ZNF30: variants seen among roughly 807,000 people sequenced by gnomAD.
ZNF30 encodes the protein zinc finger protein 30 (KOX 28).
A neutral mutation model predicts 13.2 loss-of-function variants in ZNF30; 15 were observed. That is an observed-to-expected ratio of 1.13 (90% CI 0.76 to 1.75). ZNF30 has a LOEUF of 1.75. Ranked by LOEUF, ZNF30 falls within the 40% of genes most tolerant of loss-of-function variation. The pLI, the probability that ZNF30 is intolerant of heterozygous loss-of-function variation, is 0.00. For missense variants in ZNF30, 726 were observed against 757.0 expected, an observed-to-expected ratio of 0.96 and a Z score of 0.48; for synonymous variants, 223 against 256.6, an observed-to-expected ratio of 0.87 and a Z score of 1.25.
intron 4 of ZNF30, among the ~76,000 whole-genome samples, chr19:34,936,887 C>T: frequency 6.6e-6 from 1 of 151,596 alleles, no homozygotes; most frequent in Non-Finnish European, 1.5e-5. Context: ...CAGAGAAAAC[C>T]CCTGTCTCAA....
intron 4 of ZNF30, among the ~76,000 whole-genome samples, chr19:34,938,281 T>G (rs1035353344): frequency 6.6e-6 from 1 of 152,068 alleles, no homozygotes; most frequent in Non-Finnish European, 1.5e-5. Flanking sequence ...AAAAATAAGG[T>G]CACATTCTGA....
chr19:34,930,074 C>T (rs1445721558), intron 2 of ZNF30, 118 bp downstream of exon 2: 2 of 1,008,232 alleles, frequency 2.0e-6, no homozygotes, highest in Non-Finnish European at 3.0e-6. Flanking sequence ...TTGATTCCTT[C>T]TGTTTGGCGG....
intron 2 of ZNF30, among the ~76,000 whole-genome samples, chr19:34,931,023 TTTTTTTTC>T (rs1003669234): frequency 2.7e-5 from 4 of 149,656 alleles, no homozygotes; most frequent in East Asian, 2.0e-4. Context: ...ATCATTACTT[TTTTTTTTC>T]TTTTTTTCTT....
At position 34,944,776 on chromosome 19, in the gene ZNF30, AC is replaced by A. The variant is rs2151678360; in HGVS notation, c.1812del (p.Phe605LeufsTer11). 6.2e-7 allele frequency: 1 copy of A among 1,613,482 alleles called. No homozygotes were observed. Among genetic ancestry groups the A allele is most frequent in the Non-Finnish European group, 8.5e-7 (1 of 1,179,612 alleles). On this transcript the variant is annotated frameshift_variant, in exon 5 of 5. Transcript: ENST00000601142. LOFTEE classifies it high-confidence loss of function. Reference protein sequence around the residue: ...KPFKCKKCGKTFRYSSALKVH... With the variant: ...KPFKCKKCGKXFRYSSALKVH... ...CTTTAAATGCAAAAAATGTGGGAAGACCTTTAGATACAGTTCAGCCCTTAAA... is the reference window on the plus strand; with the variant it reads ...CTTTAAATGCAAAAAATGTGGGAAGACTTTAGATACAGTTCAGCCCTTAAA...
In ZNF30 at chr19:34,944,561, G is replaced by A; in HGVS notation, c.1595G>A (p.Arg532Lys). 5 of 1,614,154 alleles carry A rather than the reference G, an allele frequency of 3.1e-6. No homozygotes were observed. The highest frequency in any genetic ancestry group is 4.2e-6 in the Non-Finnish European group (5 of 1,180,018). The change falls in exon 5 of 5, where the codon AGA (arginine) becomes AAA (lysine). Residue 532 changes from arginine to lysine, a missense_variant. By Grantham distance (26) the Arg-to-Lys change is conservative. Coordinates refer to ENST00000601142, the MANE Select transcript of ZNF30 (RefSeq NM_194325.3). The part of the protein sequence containing the change: ...SSGSYLVQHQ[R>K]IHTGEKPYEC... Reference sequence around the variant, plus strand: ...GGCTCATACCTTGTTCAGCATCAAAGAATTCATACTGGGGAGAAACCCTAT... The same window carrying A: ...GGCTCATACCTTGTTCAGCATCAAAAAATTCATACTGGGGAGAAACCCTAT...
chr19:34,929,398 C>T lies in ZNF30; in HGVS notation c.-64-486C>T, dbSNP rs533098477. Reference sequence around the variant, plus strand: ...TCTTCAGGACAACCACATGTTGGAGCTGATACTCCTATTACTATTTTAGTG... The same window carrying T: ...TCTTCAGGACAACCACATGTTGGAGTTGATACTCCTATTACTATTTTAGTG... On this transcript the variant is annotated intron_variant, in intron 1 of 4. Coordinates refer to ENST00000601142, the MANE Select transcript of ZNF30 (RefSeq NM_194325.3). 7.2e-5 allele frequency among the ~76,000 whole-genome samples: 11 copies of T among 152,320 alleles called. No homozygotes were observed. In the South Asian group the frequency reaches 1.2e-3, roughly 17 times the overall value.
intron 4 of ZNF30, among the ~76,000 whole-genome samples, chr19:34,934,949 G>C (rs1240454771): frequency 6.6e-6 from 1 of 152,138 alleles, no homozygotes; most frequent in Non-Finnish European, 1.5e-5. Context: ...TAAAAAACAG[G>C]CCGGGCGCGG....
intron 1 of ZNF30, 84 bp from the exon 2 acceptor site, chr19:34,929,800 G>A (rs1407834833): frequency 1.4e-6 from 1 of 714,624 alleles, no homozygotes. Flanking sequence ...CAGTTTGGAA[G>A]CTGAAATGAA....
chr19:34,931,763 A>G (rs2012464092), intron 2 of ZNF30, 80 bp from the exon 3 acceptor site: 5 of 1,412,740 alleles, frequency 3.5e-6, no homozygotes, highest in Non-Finnish European at 4.8e-6. Flanking sequence ...TGTGATTGTT[A>G]TGTTATTGCT....
In ZNF30 at chr19:34,944,161, C is replaced by G; in HGVS notation, c.1195C>G (p.Pro399Ala). 6.2e-7 allele frequency: 1 copy of G among 1,613,226 alleles called. No individual in the cohort carries two copies. Among genetic ancestry groups the G allele is most frequent in the Non-Finnish European group, 8.5e-7 (1 of 1,179,272 alleles). ...QHGRLHTGEK[P>A]YECKECGKAF... ...TGGAAGACTTCACACTGGCGAGAAG[C>G]CCTATGAATGTAAGGAGTGTGGCAA... Residue 399 changes from proline to alanine, a missense_variant, in exon 5 of 5, where the codon CCC becomes GCC. By Grantham distance (27) the Pro-to-Ala change is conservative. Transcript: ENST00000601142.
At chr19:34,925,438 G>A (rs574572543), upstream of ZNF30, among the ~76,000 whole-genome samples, 3 of 152,302 alleles carry the variant, frequency 2.0e-5, no homozygotes, top group South Asian at 6.2e-4. Context: ...GGCTCTCCTT[G>A]GACTGCCCCA....
At chr19:34,929,609 T>C (rs541393087) in intron 1 of ZNF30, among the ~76,000 whole-genome samples, 8 of 152,222 alleles carry the variant, frequency 5.3e-5, no homozygotes, top group Non-Finnish European at 1.0e-4. Flanking sequence ...AAGAGAAGAC[T>C]GTGCAACCCA....
chr19:34,941,744 T>C (rs1046045162), intron 4 of ZNF30, among the ~76,000 whole-genome samples: 4 of 152,262 alleles, frequency 2.6e-5, no homozygotes, highest in Non-Finnish European at 5.9e-5. Flanking sequence ...AGTTTTGCAG[T>C]TGGTTTTTGT....
At position 34,943,637 on chromosome 19, in the gene ZNF30, G is replaced by A. The variant is rs759782832; in HGVS notation, c.671G>A (p.Ser224Asn). 20 of 1,613,750 alleles carry A rather than the reference G, an allele frequency of 1.2e-5. No individual in the cohort carries two copies. The South Asian group carries it at 2.1e-4, about 17-fold the overall frequency. ...SGSYQLTVHK[S>N]IHTGKKPYEC... ...AGCTATCAACTTACAGTACATAAGA[G>A]TATTCATACTGGGAAGAAACCATAT... The change falls in exon 5 of 5, where the codon AGT (serine) becomes AAT (asparagine). Residue 224 changes from serine (S) to asparagine (N), a missense_variant. Coordinates refer to ENST00000601142, the MANE Select transcript of ZNF30 (RefSeq NM_194325.3).
chr19:34,942,683 T>C, intron 4 of ZNF30: 5 of 1,278,542 alleles, frequency 3.9e-6, no homozygotes, highest in Non-Finnish European at 5.1e-6. Context: ...GGTGAGAAAA[T>C]TTGTAAGAAC....
At chr19:34,927,335 A>G (rs983327567) in intron 1 of ZNF30, 119 bp downstream of exon 1, 2 of 292,436 alleles carry the variant, frequency 6.8e-6, no homozygotes, top group African/African-American at 4.3e-5. Context: ...CATGGCCTCC[A>G]TGCGAACCTG....
intron 4 of ZNF30, among the ~76,000 whole-genome samples, chr19:34,938,665 G>A (rs955047613): frequency 5.3e-5 from 8 of 149,622 alleles, no homozygotes; most frequent in East Asian, 3.9e-4. Context: ...TCAAACACAC[G>A]AAAACCCATT....
chr19:34,941,645 G>C (rs925071991), intron 4 of ZNF30, among the ~76,000 whole-genome samples: 2 of 152,158 alleles, frequency 1.3e-5, no homozygotes, highest in Non-Finnish European at 2.9e-5. Flanking sequence ...TTCTGACAAG[G>C]GGGATGAATG....
In ZNF30 at chr19:34,943,370, C is replaced by T. The variant is rs1473660003; in HGVS notation, c.404C>T (p.Pro135Leu). The T allele has an allele frequency of 6.2e-7, 1 of 1,613,834 alleles. No individual in the cohort carries two copies. The highest frequency in any genetic ancestry group is 1.3e-5 in the African/African-American group (1 of 74,900). ...AAGACCCTTTGTCAAGACTCAAAGCCTGTTCAACATGAAAGAATACATAGT... is the reference window on the plus strand; with the variant it reads ...AAGACCCTTTGTCAAGACTCAAAGCTTGTTCAACATGAAAGAATACATAGT... ...YGKTLCQDSK[P>L]VQHERIHSSE... The change falls in exon 5 of 5, where the codon CCT becomes CTT. Residue 135 changes from proline (P) to leucine (L), a missense_variant. Physicochemically the swap from Pro to Leu is moderately conservative, Grantham distance 98. Coordinates refer to ENST00000601142, the MANE Select transcript of ZNF30 (RefSeq NM_194325.3).
Sources: gnomAD v4.1 joint callset for allele counts (sites outside exome capture counted in the v4.1 genomes callset) on GRCh38, gnomAD v4.1.1 for gene constraint, MANE v1.5 for transcripts, NCBI Gene and HGNC (gene_info 2026-07-23, HGNC 2026-07-21) for gene names.